Variants in MARCHF4 observed in about 807,000 individuals in gnomAD.
MARCHF4 encodes the protein membrane associated ring-CH-type finger 4.
In MARCHF4, 14 loss-of-function variants were observed where a neutral mutation model predicts 43.9. The observed-to-expected ratio is 0.32, with a 90% CI of 0.21 to 0.50. MARCHF4 has a LOEUF of 0.50. MARCHF4 is among the 20% of genes least tolerant of loss of function. MARCHF4 has a pLI of 0.98. For synonymous variants in MARCHF4, 226 were observed against 213.3 expected (o/e 1.06, Z -0.52); for missense variants, 468 against 536.7 (o/e 0.87, Z 1.27).
intron 3 of MARCHF4, among the ~76,000 whole-genome samples, chr2:216,271,440 C>T (rs530988483): frequency 5.9e-5 from 9 of 152,260 alleles, no homozygotes; most frequent in African/African-American, 2.2e-4. Context: ...CTCTGCTCTG[C>T]TCTACCTTCC....
At chr2:216,277,435 T>G (rs1421692407) in intron 3 of MARCHF4, among the ~76,000 whole-genome samples, 2 of 152,218 alleles carry the variant, frequency 1.3e-5, no homozygotes, top group Non-Finnish European at 2.9e-5. Context: ...CATCTTTATC[T>G]TCAACTGTGC....
At chr2:216,362,575 A>G (rs1200545995) in intron 1 of MARCHF4, among the ~76,000 whole-genome samples, 1 of 152,186 alleles carries the variant, frequency 6.6e-6, no homozygotes, top group Non-Finnish European at 1.5e-5. Context: ...AATCCTCATG[A>G]GTACAATTCG....
intron 3 of MARCHF4, among the ~76,000 whole-genome samples, chr2:216,262,341 GGAA>G (rs1163159037): frequency 5.9e-5 from 9 of 152,180 alleles, no homozygotes; most frequent in Admixed American, 3.9e-4. Context: ...GTGCACATGT[GGAA>G]GAAGAAGAAA....
At chr2:216,352,576 T>C (rs893128883) in intron 1 of MARCHF4, among the ~76,000 whole-genome samples, 3 of 152,098 alleles carry the variant, frequency 2.0e-5, no homozygotes, top group Non-Finnish European at 4.4e-5. Context: ...AGGCTGGTCC[T>C]GAACTCCTGG....
At chr2:216,282,077 G>A (rs1691138505) in intron 2 of MARCHF4, among the ~76,000 whole-genome samples, 1 of 152,108 alleles carries the variant, frequency 6.6e-6, no homozygotes, top group Non-Finnish European at 1.5e-5. Context: ...GACCCCTGCT[G>A]GAACCCAGAG....
At chr2:216,363,104 A>G (rs1436043015) in intron 1 of MARCHF4, among the ~76,000 whole-genome samples, 3 of 152,168 alleles carry the variant, frequency 2.0e-5, no homozygotes, top group Admixed American at 6.5e-5. Context: ...GGAGAAAGAG[A>G]GAGTCCCAGT....
At chr2:216,320,583 T>C (rs2105962731) in intron 1 of MARCHF4, among the ~76,000 whole-genome samples, 1 of 151,970 alleles carries the variant, frequency 6.6e-6, no homozygotes, top group East Asian at 1.9e-4. Context: ...TCATAGCAGA[T>C]AAGGTTGTAG....
intron 1 of MARCHF4, 44 bp downstream of exon 1, chr2:216,369,701 C>G (rs779350169): frequency 6.7e-7 from 1 of 1,498,438 alleles, no homozygotes; most frequent in Non-Finnish European, 9.0e-7. Context: ...TCTGCAAGAC[C>G]TGAAAATACC....
At chr2:216,298,220 C>A (rs962093543) in intron 1 of MARCHF4, among the ~76,000 whole-genome samples, 3 of 150,066 alleles carry the variant, frequency 2.0e-5, no homozygotes, top group Non-Finnish European at 4.4e-5. Context: ...TTTCAACAAC[C>A]ACTTTTTTTC....
At chr2:216,353,441 A>G (rs1393780924) in intron 1 of MARCHF4, among the ~76,000 whole-genome samples, 4 of 152,232 alleles carry the variant, frequency 2.6e-5, no homozygotes, top group African/African-American at 9.6e-5. Context: ...TGAAAGGTGC[A>G]GATGTATTCA....
intron 1 of MARCHF4, among the ~76,000 whole-genome samples, chr2:216,340,597 G>A (rs1045357561): frequency 2.0e-4 from 31 of 152,272 alleles, no homozygotes; most frequent in East Asian, 1.3e-3. Flanking sequence ...AACAGTCTTA[G>A]CCTACCCTTG....
At chr2:216,339,430 A>G (rs1559103241) in intron 1 of MARCHF4, among the ~76,000 whole-genome samples, 1 of 152,212 alleles carries the variant, frequency 6.6e-6, no homozygotes, top group Admixed American at 6.5e-5. Context: ...GCATTTGCAC[A>G]TCACAGGGAG....
Position 216,370,008 on chromosome 2 carries a change from C to T in MARCHF4, c.253G>A (p.Gly85Arg), listed in dbSNP as rs756413699. The change falls in exon 1 of 4, where the codon GGG becomes AGG. Residue 85 changes from glycine (G) to arginine (R), a missense_variant. This residue lies in a region of MARCHF4 where 190 missense variants were observed against 158.5 expected (regional missense o/e 1.20). Transcript: ENST00000273067. The part of the protein sequence containing the change: ...ANNTLPALGA[G>R]GWAGWRGPRE... Reference sequence around the variant, plus strand: ...GGGCCCCTCCAGCCTGCCCACCCCCCGGCGCCCAGAGCCGGAAGGGTGTTG... The same window carrying T: ...GGGCCCCTCCAGCCTGCCCACCCCCTGGCGCCCAGAGCCGGAAGGGTGTTG... 3.9e-6 allele frequency: 6 copies of T among 1,539,894 alleles called. No individual in the cohort carries two copies. The African/African-American group carries it at 4.1e-5, about 11-fold the overall frequency.
At chr2:216,298,541 C>T (rs1691433538) in intron 1 of MARCHF4, among the ~76,000 whole-genome samples, 1 of 152,174 alleles carries the variant, frequency 6.6e-6, no homozygotes, top group Admixed American at 6.5e-5. Flanking sequence ...GCTGGGATTA[C>T]AGGCGTGAGC....
rs190862317 is a variant in MARCHF4, at chr2:216,328,291, T to C, written c.516+41454A>G. ...TTCAAGTGATTCTCCTGCCTCAGCC[T>C]CCCAAGTAGCTGAGATTACAAGTGT... is the stretch of plus-strand genomic sequence containing the variant. On this transcript the variant is annotated intron_variant, in intron 1 of 3. Coordinates refer to ENST00000273067, the MANE Select transcript of MARCHF4 (RefSeq NM_020814.3). 3.6e-3 allele frequency among the ~76,000 whole-genome samples: 544 copies of C among 152,306 alleles called. 3 individuals are homozygous for C. Among genetic ancestry groups the C allele is most frequent in the Non-Finnish European group, 5.8e-3 (397 of 68,018 alleles).
intron 2 of MARCHF4, among the ~76,000 whole-genome samples, chr2:216,279,382 T>C (rs1691087493): frequency 6.6e-6 from 1 of 152,196 alleles, no homozygotes; most frequent in African/African-American, 2.4e-5. Flanking sequence ...CCTTGTAGAA[T>C]ATGCAGAGAC....
chr2:216,323,229 G>A (rs1406472625), intron 1 of MARCHF4, among the ~76,000 whole-genome samples: 1 of 152,146 alleles, frequency 6.6e-6, no homozygotes, highest in Non-Finnish European at 1.5e-5. Context: ...ATCCAAATGA[G>A]TGGGTAAGAA....
chr2:216,259,469 T>C lies in MARCHF4; in HGVS notation c.1076A>G (p.Gln359Arg), dbSNP rs772057745. 6.2e-7 allele frequency: 1 copy of C among 1,614,140 alleles called. No individual in the cohort carries two copies. Among genetic ancestry groups the C allele is most frequent in the Non-Finnish European group, 8.5e-7 (1 of 1,179,994 alleles). The change falls in exon 4 of 4, where the codon CAG (glutamine) becomes CGG (arginine). Residue 359 changes from glutamine to arginine, a missense_variant. By Grantham distance (43) the Gln-to-Arg change is conservative (BLOSUM62 1). This residue lies in a region of MARCHF4 where 120 missense variants were observed against 127.1 expected (regional missense o/e 0.94). Transcript: ENST00000273067. ...EETAGTPAPE[Q>R]GPAQAAGHPS... Reference sequence around the variant, plus strand: ...GTGGCCGGCAGCCTGGGCAGGGCCCTGCTCAGGGGCAGGGGTGCCTGCGGT... The same window carrying C: ...GTGGCCGGCAGCCTGGGCAGGGCCCCGCTCAGGGGCAGGGGTGCCTGCGGT...
chr2:216,366,008 A>G (rs1692661276), intron 1 of MARCHF4, among the ~76,000 whole-genome samples: 1 of 152,194 alleles, frequency 6.6e-6, no homozygotes, highest in Non-Finnish European at 1.5e-5. Flanking sequence ...TCCATGCCAC[A>G]ATCATAGTGG....
Sources: allele counts gnomAD v4.1 joint callset (sites outside exome capture counted in the v4.1 genomes callset), GRCh38; gene constraint gnomAD v4.1.1; regional missense constraint gnomAD v4.1.1; transcripts MANE v1.5; gene names NCBI Gene and HGNC (gene_info 2026-07-23, HGNC 2026-07-21).